CMTM8: variants seen among roughly 807,000 people sequenced by gnomAD.
The protein encoded by CMTM8 is CKLF like MARVEL transmembrane domain containing 8, also known as CKLF-like MARVEL transmembrane domain-containing protein 8.
Under a neutral mutation model 18.6 loss-of-function variants are expected in CMTM8, and 12 were observed. That is an observed-to-expected ratio of 0.65 (90% CI 0.41 to 1.05). CMTM8 has a LOEUF of 1.05. Among genes scored for constraint, CMTM8 ranks in the 50% least tolerant of loss-of-function variants. CMTM8 has a pLI of 0.00. For synonymous variants in CMTM8, 87 were observed against 90.6 expected (o/e 0.96, Z 0.23); for missense variants, 217 against 227.2 (o/e 0.95, Z 0.29).
chr3:32,363,851 T>C (rs887434197), intron 2 of CMTM8, among the ~76,000 whole-genome samples: 1 of 152,210 alleles, frequency 6.6e-6, no homozygotes, highest in African/African-American at 2.4e-5. Context: ...ATACCACTCC[T>C]GCACTTTGAG....
At chr3:32,281,663 C>T (rs1458183027) in intron 1 of CMTM8, among the ~76,000 whole-genome samples, 1 of 152,064 alleles carries the variant, frequency 6.6e-6, no homozygotes, top group Admixed American at 6.6e-5. Flanking sequence ...CCTCTCATCC[C>T]ACCTGCTCCT....
chr3:32,357,104 C>T (rs925106854), intron 1 of CMTM8, among the ~76,000 whole-genome samples: 1 of 152,066 alleles, frequency 6.6e-6, no homozygotes, highest in African/African-American at 2.4e-5. Context: ...CTTAGCCAGG[C>T]ATGGTGCTGC....
At chr3:32,316,235 G>A (rs1052022255) in intron 1 of CMTM8, among the ~76,000 whole-genome samples, 9 of 151,818 alleles carry the variant, frequency 5.9e-5, no homozygotes, top group Non-Finnish European at 8.8e-5. Context: ...CACTGTGTTA[G>A]CCAGAATGGT....
intron 1 of CMTM8, among the ~76,000 whole-genome samples, chr3:32,349,449 G>C (rs114049016): frequency 0.081 from 12,342 of 152,054 alleles, 602 homozygotes; most frequent in East Asian, 0.18. Context: ...GTCATTTAAG[G>C]CCTTTGTTTC....
chr3:32,248,253 A>G (rs1305220527), intron 1 of CMTM8, among the ~76,000 whole-genome samples: 16 of 152,214 alleles, frequency 1.1e-4, no homozygotes, highest in Admixed American at 8.5e-4. Flanking sequence ...TGTTGCGTCT[A>G]TAGATCAATT....
chr3:32,367,766 C>G, intron 2 of CMTM8, 106 bp from the exon 3 acceptor site: 2 of 710,588 alleles, frequency 2.8e-6, no homozygotes, highest in Non-Finnish European at 4.9e-6. Flanking sequence ...CAGGTGTCCA[C>G]TTGGGCCCCT....
intron 1 of CMTM8, among the ~76,000 whole-genome samples, chr3:32,273,718 T>G (rs546381571): frequency 6.6e-6 from 1 of 152,160 alleles, no homozygotes; most frequent in Admixed American, 6.6e-5. Context: ...CTGATAGATA[T>G]GGAGTTTCTT....
chr3:32,298,590 A>AAT (rs1232659478), intron 1 of CMTM8, among the ~76,000 whole-genome samples: 6 of 151,564 alleles, frequency 4.0e-5, no homozygotes, highest in Non-Finnish European at 8.8e-5. Flanking sequence ...TCCTGACTTC[A>AAT]TATTTCACTT....
chr3:32,269,259 T>C (rs887805925), intron 1 of CMTM8, among the ~76,000 whole-genome samples: 2 of 152,106 alleles, frequency 1.3e-5, no homozygotes, highest in African/African-American at 2.4e-5. Context: ...GCTCTGACCT[T>C]CTTCTGTTCT....
chr3:32,342,630 T>G (rs1696521027), intron 1 of CMTM8, among the ~76,000 whole-genome samples: 1 of 152,188 alleles, frequency 6.6e-6, no homozygotes, highest in African/African-American at 2.4e-5. Context: ...GTTGGCATTA[T>G]TACTCATGAG....
chr3:32,316,400 A>G (rs1695932418), intron 1 of CMTM8, among the ~76,000 whole-genome samples: 1 of 151,918 alleles, frequency 6.6e-6, no homozygotes, highest in Non-Finnish European at 1.5e-5. Flanking sequence ...CATTGTCTTA[A>G]AAAAAAAGTT....
intron 1 of CMTM8, among the ~76,000 whole-genome samples, chr3:32,336,760 C>T (rs1210589294): frequency 6.6e-6 from 1 of 152,202 alleles, no homozygotes; most frequent in East Asian, 1.9e-4. Context: ...TATCTCAGTT[C>T]TGTTCCTTGG....
chr3:32,273,734 G>A (rs1452553603), intron 1 of CMTM8, among the ~76,000 whole-genome samples: 1 of 152,128 alleles, frequency 6.6e-6, no homozygotes, highest in Non-Finnish European at 1.5e-5. Context: ...TTCTTTTGGG[G>A]ATGATAAAAA....
intron 1 of CMTM8, among the ~76,000 whole-genome samples, chr3:32,277,400 C>G (rs1702536325): frequency 6.8e-6 from 1 of 147,896 alleles, no homozygotes; most frequent in Non-Finnish European, 1.5e-5. Context: ...TTTTATTTTC[C>G]TTTTTTTTTT....
intron 1 of CMTM8, among the ~76,000 whole-genome samples, chr3:32,275,847 G>A (rs887879618): frequency 6.6e-5 from 10 of 151,730 alleles, no homozygotes; most frequent in East Asian, 1.9e-4. Context: ...ATGGGGTTTC[G>A]CTATGTTGGC....
intron 1 of CMTM8, chr3:32,259,971 T>C: frequency 8.9e-7 from 1 of 1,125,044 alleles, no homozygotes; most frequent in Non-Finnish European, 1.3e-6. Context: ...CTGCTGCACC[T>C]GGAGTCAGAG....
intron 1 of CMTM8, among the ~76,000 whole-genome samples, chr3:32,290,117 AAAAAGAAAAG>A (rs1009993040): frequency 1.4e-5 from 2 of 141,520 alleles, no homozygotes; most frequent in Non-Finnish European, 3.1e-5. Flanking sequence ...CTGTCTCAAA[AAAAAGAAAAG>A]AAAAGAAAAA....
At chr3:32,269,501 G>A (rs1004480150) in intron 1 of CMTM8, among the ~76,000 whole-genome samples, 4 of 152,270 alleles carry the variant, frequency 2.6e-5, no homozygotes, top group African/African-American at 7.2e-5. Context: ...GGTTGCTTTT[G>A]TGAAAGGTGG....
At chr3:32,246,623 AT>A (rs1702019335) in intron 1 of CMTM8, among the ~76,000 whole-genome samples, 1 of 152,132 alleles carries the variant, frequency 6.6e-6, no homozygotes, top group African/African-American at 2.4e-5. Flanking sequence ...TTAATTTCTT[AT>A]GGCATTCATA....
Sources: gnomAD v4.1 joint callset for allele counts (sites outside exome capture counted in the v4.1 genomes callset) on GRCh38, gnomAD v4.1.1 for gene constraint, MANE v1.5 for transcripts, NCBI Gene and HGNC (gene_info 2026-07-23, HGNC 2026-07-21) for gene names.